EYS: variants seen among roughly 807,000 people sequenced by gnomAD.
EYS encodes the protein protein eyes shut homolog.
EYS carries 250 observed loss-of-function variants against 282.1 expected under a neutral mutation model. The ratio of observed to expected loss-of-function variants is 0.89; its 90% CI spans 0.80 to 0.98. The LOEUF (loss-of-function observed/expected upper bound fraction) is 0.98. Ranked by LOEUF, EYS falls within the 50% of genes least tolerant of loss-of-function variation. EYS has a pLI of 0.00. For synonymous variants in EYS, 1,355 were observed against 1,282.9 expected (o/e 1.06, Z -1.20); for missense variants, 4,016 against 3,709.0 (o/e 1.08, Z -2.15).
At chr6:64,393,477 A>G (rs1773236911) in intron 28 of EYS, among the ~76,000 whole-genome samples, 1 of 152,234 alleles carries the variant, frequency 6.6e-6, no homozygotes, top group African/African-American at 2.4e-5. Flanking sequence ...CTGGTTCAAC[A>G]CATGCAAATC....
intron 29 of EYS, among the ~76,000 whole-genome samples, chr6:64,375,085 C>G (rs773793393): frequency 1.4e-4 from 21 of 152,134 alleles, no homozygotes; most frequent in Non-Finnish European, 2.5e-4. Flanking sequence ...AAATAAATAT[C>G]TTAGTCAGAA....
chr6:64,009,125 C>T (rs1218430148), intron 33 of EYS, among the ~76,000 whole-genome samples: 2 of 152,008 alleles, frequency 1.3e-5, no homozygotes, highest in Non-Finnish European at 2.9e-5. Flanking sequence ...TTGGTCTTTA[C>T]CTAATCTCAT....
chr6:65,205,343 C>T (rs1451463624), intron 12 of EYS, among the ~76,000 whole-genome samples: 1 of 151,532 alleles, frequency 6.6e-6, no homozygotes, highest in Non-Finnish European at 1.5e-5. Flanking sequence ...TTCAATACAA[C>T]AAGAATATTT....
At chr6:65,180,835 C>T (rs1765361109) in intron 12 of EYS, among the ~76,000 whole-genome samples, 2 of 152,118 alleles carry the variant, frequency 1.3e-5, no homozygotes, top group Non-Finnish European at 2.9e-5. Flanking sequence ...ACCAAAACAG[C>T]ATGGTACTGG....
chr6:64,263,078 GAT>G, intron 30 of EYS, among the ~76,000 whole-genome samples: 1 of 144,276 alleles, frequency 6.9e-6, no homozygotes, highest in Admixed American at 7.0e-5. Flanking sequence ...GTAAGGTGAT[GAT>G]AGTAAACGCT....
intron 29 of EYS, among the ~76,000 whole-genome samples, chr6:64,331,343 T>A (rs1183646155): frequency 1.3e-5 from 2 of 152,178 alleles, no homozygotes; most frequent in African/African-American, 4.8e-5. Flanking sequence ...AGTCATCTAT[T>A]GCAAAGGGCA....
intron 26 of EYS, among the ~76,000 whole-genome samples, chr6:64,453,705 T>C (rs1775451216): frequency 6.6e-6 from 1 of 152,092 alleles, no homozygotes; most frequent in African/African-American, 2.4e-5. Context: ...ATGTCCTTTG[T>C]AGGAACATGG....
intron 2 of EYS, among the ~76,000 whole-genome samples, chr6:65,546,957 T>A (rs1768415522): frequency 6.6e-6 from 1 of 152,020 alleles, no homozygotes; most frequent in African/African-American, 2.4e-5. Flanking sequence ...ACTCTACTAC[T>A]CCTTCAGAGT....
At chr6:64,563,923 T>G (rs1206807903) in intron 26 of EYS, among the ~76,000 whole-genome samples, 5 of 151,940 alleles carry the variant, frequency 3.3e-5, no homozygotes, top group Non-Finnish European at 7.4e-5. Flanking sequence ...AATTTTCTAT[T>G]TATTTCTTAT....
chr6:63,770,247 A>G (rs1769896910), intron 40 of EYS, among the ~76,000 whole-genome samples: 2 of 152,066 alleles, frequency 1.3e-5, no homozygotes, highest in South Asian at 4.1e-4. Context: ...TAATACAGAA[A>G]AATATAATCT....
chr6:64,661,145 C>T (rs1674332861), intron 22 of EYS, among the ~76,000 whole-genome samples: 1 of 152,074 alleles, frequency 6.6e-6, no homozygotes, highest in Non-Finnish European at 1.5e-5. Flanking sequence ...GAAACGATTC[C>T]CTATTTAATA....
At chr6:65,473,093 A>C (rs1765275233) in intron 5 of EYS, among the ~76,000 whole-genome samples, 1 of 151,992 alleles carries the variant, frequency 6.6e-6, no homozygotes, top group Non-Finnish European at 1.5e-5. Context: ...ATTCATGTGA[A>C]TATATTACAT....
intron 19 of EYS, among the ~76,000 whole-genome samples, chr6:64,859,941 T>C (rs1260859241): frequency 6.6e-6 from 1 of 152,210 alleles, no homozygotes; most frequent in African/African-American, 2.4e-5. Flanking sequence ...TCTTTTTATA[T>C]CTCTTCTATC....
chr6:64,684,431 TA>T (rs142220847), intron 22 of EYS, among the ~76,000 whole-genome samples: 6 of 151,730 alleles, frequency 4.0e-5, no homozygotes, highest in Admixed American at 3.3e-4. Context: ...CAGTAAATGC[TA>T]AAAAAAACAC....
At chr6:64,507,000 C>T (rs1300202186) in intron 26 of EYS, among the ~76,000 whole-genome samples, 1 of 128,956 alleles carries the variant, frequency 7.8e-6, no homozygotes, top group Non-Finnish European at 1.5e-5. Context: ...GATGGAGTCT[C>T]GCTCTGGAAT....
chr6:65,342,473 C>A (rs1478781923), intron 10 of EYS, among the ~76,000 whole-genome samples: 1 of 150,638 alleles, frequency 6.6e-6, no homozygotes, highest in Non-Finnish European at 1.5e-5. Context: ...ATTTAGTCAA[C>A]ATTAAGAACT....
intron 22 of EYS, among the ~76,000 whole-genome samples, chr6:64,778,774 A>G (rs1378872382): frequency 6.6e-6 from 1 of 152,220 alleles, no homozygotes; most frequent in Non-Finnish European, 1.5e-5. Flanking sequence ...ATGGCAAATA[A>G]GCATATGTAG....
At chr6:63,998,487 C>CTGT (rs1767935036) in intron 34 of EYS, among the ~76,000 whole-genome samples, 1 of 152,072 alleles carries the variant, frequency 6.6e-6, no homozygotes, top group Admixed American at 6.6e-5. Context: ...CCATGATGAT[C>CTGT]AAATGAACTA....
chr6:65,552,720 C>T (rs1768642981), intron 2 of EYS, among the ~76,000 whole-genome samples: 5 of 152,204 alleles, frequency 3.3e-5, no homozygotes, highest in Admixed American at 2.6e-4. Flanking sequence ...GACATAGCAT[C>T]TTTCTCACAA....
Sources: gnomAD v4.1 joint callset for allele counts (sites outside exome capture counted in the v4.1 genomes callset) on GRCh38, gnomAD v4.1.1 for gene constraint, MANE v1.5 for transcripts, NCBI Gene and HGNC (gene_info 2026-07-23, HGNC 2026-07-21) for gene names.